The following WWOX variants were observed in gnomAD, a reference collection of about 807,000 sequenced individuals.
The protein encoded by WWOX is WW domain-containing oxidoreductase.
WWOX carries 69 observed loss-of-function variants against 46.2 expected under a neutral mutation model. That is an observed-to-expected ratio of 1.49 (90% CI 1.23 to 1.82). WWOX has a LOEUF of 1.82. Among genes scored for constraint, WWOX ranks in the 40% most tolerant of loss-of-function variants. The pLI is 0.00. For synonymous variants in WWOX, 359 were observed against 202.6 expected (o/e 1.77, Z -6.56); for missense variants, 919 against 542.6 (o/e 1.69, Z -6.89).
intron 8 of WWOX, among the ~76,000 whole-genome samples, chr16:78,629,255 C>G (rs1440670267): frequency 6.7e-6 from 1 of 148,312 alleles, no homozygotes; most frequent in Non-Finnish European, 1.5e-5. Flanking sequence ...TTTTCCTCTG[C>G]AAGGGATGGG....
At chr16:78,111,006 A>AT (rs112868043) in intron 3 of WWOX, among the ~76,000 whole-genome samples, 472 of 147,150 alleles carry the variant, frequency 3.2e-3, no homozygotes, top group Non-Finnish European at 4.4e-3. Context: ...TTGAGCAGGA[A>AT]TTTTTTTTTT....
chr16:79,023,154 G>C (rs2047568357), intron 8 of WWOX, among the ~76,000 whole-genome samples: 1 of 152,188 alleles, frequency 6.6e-6, no homozygotes. Flanking sequence ...TCTGTCATTA[G>C]ATATATGCAC....
intron 8 of WWOX, among the ~76,000 whole-genome samples, chr16:79,062,433 G>A (rs13330275): frequency 6.6e-6 from 1 of 152,036 alleles, no homozygotes; most frequent in Non-Finnish European, 1.5e-5. Context: ...AGGGAACCAA[G>A]GCCTTTCAAA....
intron 8 of WWOX, among the ~76,000 whole-genome samples, chr16:78,730,307 C>T (rs997538319): frequency 1.3e-5 from 2 of 152,070 alleles, no homozygotes; most frequent in African/African-American, 4.8e-5. Context: ...TTGCCTCCTT[C>T]CCTCTCTGCC....
At chr16:78,256,633 C>G (rs2038140128) in intron 5 of WWOX, among the ~76,000 whole-genome samples, 2 of 151,936 alleles carry the variant, frequency 1.3e-5, no homozygotes, top group African/African-American at 4.8e-5. Flanking sequence ...AGAATAGTGT[C>G]TGCCAAATAA....
chr16:78,928,276 C>T (rs1351067961), intron 8 of WWOX, among the ~76,000 whole-genome samples: 1 of 149,536 alleles, frequency 6.7e-6, no homozygotes, highest in Non-Finnish European at 1.5e-5. Flanking sequence ...GATCTCGGCT[C>T]ACTGCAAGCT....
rs2050970412 is a variant in WWOX at position 79,184,270 on chromosome 16, A to T, written c.1057-27338A>T. Among the ~76,000 whole-genome samples the T allele has an allele frequency of 2.0e-5, 3 of 152,216 alleles. No homozygotes were observed. The South Asian group carries it at 6.2e-4, about 32-fold the overall frequency. ...CTATTAGTTTGTAGAGTCCACACAG[A>T]AGAGTCCAATTTTCTTTGCACAAAG... On this transcript the variant is annotated intron_variant, in intron 8 of 8. Transcript: ENST00000566780.
At chr16:79,109,155 T>C (rs923438007) in intron 8 of WWOX, among the ~76,000 whole-genome samples, 3 of 152,046 alleles carry the variant, frequency 2.0e-5, no homozygotes, top group Non-Finnish European at 2.9e-5. Context: ...GGGGGCACTT[T>C]TCATCTCAGG....
rs13336465 is a variant in WWOX, at chr16:78,963,340, A to G, written c.1057-248268A>G. ...AAAAATTAGCTGCCCATGGTGGTGT[A>G]TGCCTGTGGTCCCAGCTACTTGGGC... On this transcript the variant is annotated intron_variant, in intron 8 of 8. Transcript: ENST00000566780. 5.6e-3 allele frequency among the ~76,000 whole-genome samples: 854 copies of G among 152,238 alleles called. 13 individuals are homozygous for G. Among genetic ancestry groups the G allele is most frequent in the African/African-American group, 0.019 (794 of 41,542 alleles).
chr16:78,221,051 C>T (rs554409716), intron 5 of WWOX, among the ~76,000 whole-genome samples: 2 of 152,110 alleles, frequency 1.3e-5, no homozygotes, highest in African/African-American at 4.8e-5. Context: ...GTAGGTGAAT[C>T]TTGGAGTAGA....
chr16:78,935,715 C>T (rs989407962), intron 8 of WWOX, among the ~76,000 whole-genome samples: 5 of 151,780 alleles, frequency 3.3e-5, no homozygotes, highest in Non-Finnish European at 7.4e-5. Context: ...TGTAACAAAG[C>T]TGCACATTGT....
At chr16:78,613,032 C>T (rs1356486296) in intron 8 of WWOX, among the ~76,000 whole-genome samples, 1 of 152,112 alleles carries the variant, frequency 6.6e-6, no homozygotes, top group African/African-American at 2.4e-5. Flanking sequence ...CTTCTGGGTT[C>T]CCCAAGAGGT....
chr16:78,106,421 GTTT>G (rs34551316), intron 1 of WWOX, among the ~76,000 whole-genome samples: 2 of 122,962 alleles, frequency 1.6e-5, no homozygotes, highest in Admixed American at 1.8e-4. Flanking sequence ...GTTTTTTTTT[GTTT>G]TTTTTTTTTT....
intron 8 of WWOX, among the ~76,000 whole-genome samples, chr16:78,684,557 C>A (rs1597442452): frequency 6.6e-6 from 1 of 152,164 alleles, no homozygotes; most frequent in African/African-American, 2.4e-5. Flanking sequence ...CTGGCTCAGG[C>A]TGTGCCTCAC....
chr16:78,319,039 C>T (rs1158377686), intron 5 of WWOX, among the ~76,000 whole-genome samples: 2 of 151,980 alleles, frequency 1.3e-5, no homozygotes, highest in South Asian at 2.1e-4. Context: ...AGGAGATTAC[C>T]CAGGGTTATC....
chr16:78,394,636 A>G (rs545140351), intron 6 of WWOX, among the ~76,000 whole-genome samples: 1 of 152,386 alleles, frequency 6.6e-6, no homozygotes, highest in East Asian at 1.9e-4. Context: ...GTAAGGGGCC[A>G]GAGAGTGAAT....
chr16:78,589,797 C>G (rs969727698), intron 8 of WWOX, among the ~76,000 whole-genome samples: 2 of 152,100 alleles, frequency 1.3e-5, no homozygotes, highest in African/African-American at 4.8e-5. Flanking sequence ...GGCTTTTTCC[C>G]CCTTTTTTCT....
chr16:78,905,379 T>C (rs908412601), intron 8 of WWOX, among the ~76,000 whole-genome samples: 1 of 152,106 alleles, frequency 6.6e-6, no homozygotes, highest in Non-Finnish European at 1.5e-5. Context: ...CTTGGAAGAA[T>C]TCTTATTTAT....
Position 78,980,170 on chromosome 16 carries a change from T to C in WWOX, c.1057-231438T>C, listed in dbSNP as rs78299029. Among the ~76,000 whole-genome samples the C allele has an allele frequency of 8.1e-3, 1,237 of 152,258 alleles. 11 individuals carry two copies. The highest frequency in any genetic ancestry group is 0.027 in the African/African-American group (1,129 of 41,548). ...AATGTGTGCCCCCTTTTCCTCCAAC[T>C]CCCACCCCAAATCCTTGCTGAATCA... On this transcript the variant is annotated intron_variant, in intron 8 of 8. Coordinates refer to ENST00000566780, the MANE Select transcript of WWOX (RefSeq NM_016373.4).
Sources: gnomAD v4.1 joint callset for allele counts (sites outside exome capture counted in the v4.1 genomes callset) on GRCh38, gnomAD v4.1.1 for gene constraint, MANE v1.5 for transcripts, NCBI Gene and HGNC (gene_info 2026-07-23, HGNC 2026-07-21) for gene names.